GABBR2: variants seen among roughly 807,000 people sequenced by gnomAD.
GABBR2 encodes the protein gamma-aminobutyric acid type B receptor subunit 2.
GABBR2 carries 23 observed loss-of-function variants against 105.6 expected under a neutral mutation model. The observed-to-expected ratio is 0.22, with a 90% CI of 0.16 to 0.31. The LOEUF (loss-of-function observed/expected upper bound fraction) is 0.31, where lower values mean the gene tolerates loss of function less well. Among genes scored for constraint, GABBR2 ranks in the 10% least tolerant of loss-of-function variants. The pLI is 1.00. For synonymous variants in GABBR2, 478 were observed against 499.7 expected (o/e 0.96, Z 0.58); for missense variants, 734 against 1,245.5 (o/e 0.59, Z 6.18).
intron 13 of GABBR2, among the ~76,000 whole-genome samples, chr9:98,355,246 T>G (rs536207847): frequency 6.6e-6 from 1 of 152,082 alleles, no homozygotes; most frequent in South Asian, 2.1e-4. Flanking sequence ...ATAGATATAA[T>G]GATAATAAAA....
chr9:98,668,772 T>C (rs1158957509), intron 1 of GABBR2, among the ~76,000 whole-genome samples: 1 of 152,176 alleles, frequency 6.6e-6, no homozygotes, highest in Non-Finnish European at 1.5e-5. Context: ...CATAGAATAT[T>C]TGTCTTTTTC....
chr9:98,511,519 T>C (rs1827644351), intron 3 of GABBR2, among the ~76,000 whole-genome samples: 3 of 145,694 alleles, frequency 2.1e-5, no homozygotes, highest in South Asian at 2.3e-4. Flanking sequence ...GCAAGACTAA[T>C]AAAGAAGAAA....
intron 6 of GABBR2, among the ~76,000 whole-genome samples, chr9:98,455,861 C>G (rs999720636): frequency 3.9e-5 from 6 of 152,190 alleles, no homozygotes; most frequent in South Asian, 4.1e-4. Context: ...TCTGCATGAC[C>G]AAATGTGAAT....
intron 3 of GABBR2, among the ~76,000 whole-genome samples, chr9:98,538,956 A>T (rs536227496): frequency 2.0e-5 from 3 of 152,348 alleles, no homozygotes; most frequent in Admixed American, 6.5e-5. Flanking sequence ...CAATACCAGC[A>T]AGCAGCATCC....
intron 1 of GABBR2, among the ~76,000 whole-genome samples, chr9:98,658,349 A>C (rs1830209497): frequency 6.6e-6 from 1 of 152,158 alleles, no homozygotes; most frequent in Non-Finnish European, 1.5e-5. Context: ...AAAGCTCCCC[A>C]GGTGCTCCAT....
At chr9:98,434,061 T>G (rs527954491) in intron 7 of GABBR2, among the ~76,000 whole-genome samples, 1 of 152,258 alleles carries the variant, frequency 6.6e-6, no homozygotes, top group Non-Finnish European at 1.5e-5. Flanking sequence ...ACCCTCAATC[T>G]GAGTGGGCAC....
chr9:98,488,633 C>CT (rs11374476), intron 4 of GABBR2, among the ~76,000 whole-genome samples: 43,324 of 149,908 alleles, frequency 0.29, 6,387 homozygotes, highest in South Asian at 0.43. Flanking sequence ...TTCCCTAGCA[C>CT]TTTTTTTTTT....
chr9:98,350,959 T>G (rs471722), intron 13 of GABBR2, among the ~76,000 whole-genome samples: 99,243 of 151,900 alleles, frequency 0.65, 33,151 homozygotes, highest in Admixed American at 0.74. Flanking sequence ...ATCTGCTTGA[T>G]GAATCGATCC....
intron 1 of GABBR2, chr9:98,581,171 G>A (rs1266678086): frequency 6.6e-6 from 1 of 152,450 alleles, no homozygotes; most frequent in African/African-American, 2.4e-5. Context: ...TCCAGGCTGT[G>A]GGCACTGCAG....
chr9:98,657,821 T>G (rs574968056), intron 1 of GABBR2, among the ~76,000 whole-genome samples: 1 of 152,392 alleles, frequency 6.6e-6, no homozygotes, highest in African/African-American at 2.4e-5. Context: ...GGTTTTTAAG[T>G]GTCTAGCATT....
intron 6 of GABBR2, among the ~76,000 whole-genome samples, chr9:98,469,204 G>A (rs527894677): frequency 1.3e-5 from 2 of 152,280 alleles, no homozygotes; most frequent in African/African-American, 4.8e-5. Context: ...GTATTGCTGA[G>A]GAGGCCTCAG....
intron 1 of GABBR2, among the ~76,000 whole-genome samples, chr9:98,702,012 C>T (rs1564155648): frequency 1.3e-5 from 2 of 152,182 alleles, no homozygotes; most frequent in Non-Finnish European, 2.9e-5. Flanking sequence ...CCTGGATCAT[C>T]TCATTTGTCC....
chr9:98,640,124 A>ATG (rs1333260325), intron 1 of GABBR2, among the ~76,000 whole-genome samples: 1 of 87,342 alleles, frequency 1.1e-5, no homozygotes, highest in African/African-American at 6.4e-5. Context: ...ATACAACCAT[A>ATG]TATATATATA....
At chr9:98,523,913 A>C (rs1364426177) in intron 3 of GABBR2, among the ~76,000 whole-genome samples, 1 of 152,196 alleles carries the variant, frequency 6.6e-6, no homozygotes, top group Non-Finnish European at 1.5e-5. Flanking sequence ...TTTCCCACAG[A>C]ATTTAAGATG....
intron 9 of GABBR2, among the ~76,000 whole-genome samples, chr9:98,391,470 G>T (rs12006182): frequency 0.049 from 7,435 of 152,220 alleles, 635 homozygotes; most frequent in African/African-American, 0.17. Context: ...TGACGCTGGG[G>T]TCCAGGTGAT....
Position 98,699,964 on chromosome 9 carries a change from CA to C in GABBR2, c.321+8452del, listed in dbSNP as rs763555087. Reference sequence around the variant, plus strand: ...ACCTTCCTAAAACCAAAATAAGTAACAAAAAAGTTAGAGATAAGAAGTCACT... The same window carrying C: ...ACCTTCCTAAAACCAAAATAAGTAACAAAAAGTTAGAGATAAGAAGTCACT... On this transcript the variant is annotated intron_variant, in intron 1 of 18. Transcript: ENST00000259455. Among the ~76,000 whole-genome samples the C allele has an allele frequency of 1.1e-3, 162 of 152,244 alleles. 1 individual carries two copies. Among genetic ancestry groups the C allele is most frequent in the Non-Finnish European group, 1.5e-3 (100 of 68,002 alleles).
At chr9:98,470,454 T>A (rs1826649556) in intron 6 of GABBR2, among the ~76,000 whole-genome samples, 1 of 152,126 alleles carries the variant, frequency 6.6e-6, no homozygotes, top group African/African-American at 2.4e-5. Context: ...TCGTGAAACT[T>A]ATTCTCTACC....
chr9:98,665,271 T>G (rs1830318874), intron 1 of GABBR2, among the ~76,000 whole-genome samples: 1 of 82,238 alleles, frequency 1.2e-5, no homozygotes, highest in Admixed American at 1.3e-4. Context: ...AGTCTCTCTC[T>G]CTCAATCTCT....
chr9:98,493,397 C>CAA (rs1418936464), intron 4 of GABBR2, among the ~76,000 whole-genome samples: 10 of 152,200 alleles, frequency 6.6e-5, no homozygotes, highest in African/African-American at 2.4e-4. Flanking sequence ...ACTGTTTCTA[C>CAA]TGTTTTGGAT....
Sources: allele counts gnomAD v4.1 joint callset (sites outside exome capture counted in the v4.1 genomes callset), GRCh38; gene constraint gnomAD v4.1.1; transcripts MANE v1.5; gene names NCBI Gene and HGNC (gene_info 2026-07-23, HGNC 2026-07-21).